The following PPP1R12B variants were observed in gnomAD, a reference collection of about 807,000 sequenced individuals.
PPP1R12B encodes protein phosphatase 1 regulatory subunit 12B, also known as myosin phosphatase target subunit 2.
A neutral mutation model predicts 126.1 loss-of-function variants in PPP1R12B; 76 were observed. The observed-to-expected ratio is 0.60, with a 90% CI of 0.50 to 0.73. The LOEUF (loss-of-function observed/expected upper bound fraction) is 0.73, where lower values mean the gene tolerates loss of function less well. Ranked by LOEUF, PPP1R12B falls within the 30% of genes least tolerant of loss-of-function variation. The pLI, the probability that PPP1R12B is intolerant of heterozygous loss-of-function variation, is 0.00. For synonymous variants in PPP1R12B, 356 were observed against 434.7 expected (o/e 0.82, Z 2.25); for missense variants, 1,052 against 1,205.1 (o/e 0.87, Z 1.88).
chr1:202,430,996 A>C (rs1238741322), intron 7 of PPP1R12B, among the ~76,000 whole-genome samples, 186 bp downstream of exon 7: 1 of 152,216 alleles, frequency 6.6e-6, no homozygotes, highest in Non-Finnish European at 1.5e-5. Context: ...GGGAGACACT[A>C]AGGATGGTTG....
chr1:202,421,288 A>G lies in PPP1R12B; in HGVS notation c.423-1332A>G, dbSNP rs1467001201. Among the ~76,000 whole-genome samples the G allele has an allele frequency of 6.7e-5, 10 of 149,522 alleles. No individual in the cohort carries two copies. In the East Asian group the frequency reaches 2.0e-3, roughly 29 times the overall value. On this transcript the variant is annotated intron_variant, in intron 2 of 23. Coordinates refer to ENST00000608999, the MANE Select transcript of PPP1R12B (RefSeq NM_002481.4). ...TTTGAATGCAGTGGCCAGTGGCCATATATTATCTCTCTCTTTTTTTTTTTT... is the reference window on the plus strand; with the variant it reads ...TTTGAATGCAGTGGCCAGTGGCCATGTATTATCTCTCTCTTTTTTTTTTTT...
In PPP1R12B at chr1:202,412,368, G is replaced by A. The variant is rs188982439; in HGVS notation, c.292-4419G>A. On this transcript the variant is annotated intron_variant, in intron 1 of 23. Transcript: ENST00000608999. ...AGAAGAGAACTGAAGTAGTGATGAG[G>A]TGAAGGAGATTAAGAAAAGGAGAGG... 7.5e-4 allele frequency among the ~76,000 whole-genome samples: 114 copies of A among 152,302 alleles called. 1 individual carries two copies. The highest frequency in any genetic ancestry group is 2.3e-3 in the Admixed American group (35 of 15,294).
At chr1:202,531,466 C>T (rs542315597) in intron 18 of PPP1R12B, among the ~76,000 whole-genome samples, 26 of 152,244 alleles carry the variant, frequency 1.7e-4, no homozygotes, top group Middle Eastern at 3.4e-3. Flanking sequence ...TCATGTCTTA[C>T]AGTACTTTGT....
chr1:202,432,764 G>A (rs550157009), intron 8 of PPP1R12B, among the ~76,000 whole-genome samples: 96 of 152,332 alleles, frequency 6.3e-4, no homozygotes, highest in African/African-American at 2.1e-3. Context: ...AGTCCATGAT[G>A]AGATGAAATG....
At position 202,434,569 on chromosome 1, in the gene PPP1R12B, A is replaced by C. The variant is rs984615173; in HGVS notation, c.1142-87A>C. 6.7e-6 allele frequency: 10 copies of C among 1,498,330 alleles called. No homozygotes were observed. In the Admixed American group the frequency reaches 2.5e-4, roughly 37 times the overall value. The allele number at this position is 1,498,330 out of a possible 1,614,324, so 92.8% of individuals were successfully genotyped here. ...TAATAATCTGTTTTGATAATGGGCAAATCTTTTCTATTAGCAGAAAAGGAC... is the reference window on the plus strand; with the variant it reads ...TAATAATCTGTTTTGATAATGGGCACATCTTTTCTATTAGCAGAAAAGGAC... On this transcript the variant is annotated intron_variant, in intron 8 of 23. Coordinates refer to ENST00000608999, the MANE Select transcript of PPP1R12B (RefSeq NM_002481.4).
chr1:202,575,118 G>A lies in PPP1R12B; in HGVS notation c.2863-5356G>A, dbSNP rs201089045. Reference sequence around the variant, plus strand: ...GACTCTCGGAGTCCATCGAGTCCTCGGACACCCAGGAGCTCTAGTTCTTGC... The same window carrying A: ...GACTCTCGGAGTCCATCGAGTCCTCAGACACCCAGGAGCTCTAGTTCTTGC... On this transcript the variant is annotated intron_variant, in intron 23 of 23. Coordinates refer to ENST00000608999, the MANE Select transcript of PPP1R12B (RefSeq NM_002481.4). 1.8e-5 allele frequency: 29 copies of A among 1,613,654 alleles called. No homozygotes were observed. The East Asian group carries it at 3.1e-4, about 17-fold the overall frequency.
At chr1:202,438,244 C>T (rs929996109) in intron 10 of PPP1R12B, 11 of 1,580,040 alleles carry the variant, frequency 7.0e-6, no homozygotes, top group Non-Finnish European at 9.4e-6. Flanking sequence ...TTAAAAATAG[C>T]TTTTCCTTTT....
Position 202,348,794 on chromosome 1 carries a change from G to A in PPP1R12B, c.-58G>A. The A allele has an allele frequency of 6.5e-7, 1 of 1,535,542 alleles. No homozygotes were observed. The highest frequency in any genetic ancestry group is 8.7e-7 in the Non-Finnish European group (1 of 1,146,014). On this transcript the variant is annotated 5_prime_UTR_variant, in exon 1 of 24. Coordinates refer to ENST00000608999, the MANE Select transcript of PPP1R12B (RefSeq NM_002481.4). ...CTGAGAGAGGCGGCAGCGGCAACTC[G>A]AGCCCCAACAGTAATTTAGTGTTGG...
At chr1:202,580,357 T>C (rs1689475240) in intron 23 of PPP1R12B, 117 bp from the exon 24 acceptor site, 1 of 708,206 alleles carries the variant, frequency 1.4e-6, no homozygotes, top group Admixed American at 2.3e-5. Flanking sequence ...ACCATGAGAG[T>C]TTATTCCACA....
chr1:202,353,629 T>TGTGTGTGTGTGTGTGTGTGTGTGA (rs540599307), intron 1 of PPP1R12B, among the ~76,000 whole-genome samples: 6 of 138,160 alleles, frequency 4.3e-5, no homozygotes, highest in Non-Finnish European at 6.2e-5. Context: ...TGTGTGTGTG[T>TGTGTGTGTGTGTGTGTGTGTGTGA]GACAGGGTCT....
chr1:202,399,300 A>G (rs1665456466), intron 1 of PPP1R12B, among the ~76,000 whole-genome samples: 1 of 152,084 alleles, frequency 6.6e-6, no homozygotes. Context: ...GGCTTACTGC[A>G]GCCTCATTTT....
intron 1 of PPP1R12B, among the ~76,000 whole-genome samples, chr1:202,388,733 G>A (rs957246708): frequency 2.6e-5 from 4 of 151,918 alleles, no homozygotes; most frequent in Non-Finnish European, 5.9e-5. Context: ...TGCTATTATT[G>A]TTTTTATTAT....
intron 1 of PPP1R12B, among the ~76,000 whole-genome samples, chr1:202,366,408 A>G (rs1221712410): frequency 6.6e-6 from 1 of 150,682 alleles, no homozygotes; most frequent in African/African-American, 2.4e-5. Context: ...AATCCCAGCT[A>G]CTCGGGAGGC....
At chr1:202,563,851 T>C (rs1228792397) in intron 20 of PPP1R12B, among the ~76,000 whole-genome samples, 1 of 152,076 alleles carries the variant, frequency 6.6e-6, no homozygotes. Context: ...GATGATCACT[T>C]GAGCCCAGGA....
At chr1:202,452,174 G>A (rs1673064028) in intron 13 of PPP1R12B, among the ~76,000 whole-genome samples, 2 of 152,070 alleles carry the variant, frequency 1.3e-5, no homozygotes, top group Non-Finnish European at 2.9e-5. Context: ...CTGCAATCTC[G>A]GCACTTTGGG....
intron 18 of PPP1R12B, among the ~76,000 whole-genome samples, chr1:202,503,701 T>C (rs1680486821): frequency 6.6e-6 from 1 of 152,024 alleles, no homozygotes; most frequent in South Asian, 2.1e-4. Flanking sequence ...AGAATATGGA[T>C]GCAGTTTCCC....
chr1:202,388,052 C>G (rs1442669505), intron 1 of PPP1R12B, among the ~76,000 whole-genome samples: 3 of 146,434 alleles, frequency 2.0e-5, no homozygotes, highest in Admixed American at 6.9e-5. Context: ...TTCAAACCAT[C>G]ATTTGGAATA....
At chr1:202,422,214 T>G (rs149813703) in intron 2 of PPP1R12B, among the ~76,000 whole-genome samples, 2,034 of 152,348 alleles carry the variant, frequency 0.013, 15 homozygotes, top group Non-Finnish European at 0.021. Flanking sequence ...AGGCATAATT[T>G]AGGCAGATTT....
In PPP1R12B at chr1:202,447,668, A is replaced by G. The variant is rs1016544307; in HGVS notation, c.1668-1321A>G. ...TCAAAATAATAGTAAAAGTCCTATT[A>G]TGTAATTTAATAAAATAAAATCCTT... On this transcript the variant is annotated intron_variant, in intron 12 of 23. Transcript: ENST00000608999. Among the ~76,000 whole-genome samples the G allele has an allele frequency of 2.6e-5, 4 of 152,236 alleles. No homozygotes were observed. In the East Asian group the frequency reaches 5.8e-4, roughly 22 times the overall value.
Sources: allele counts gnomAD v4.1 joint callset (sites outside exome capture counted in the v4.1 genomes callset), GRCh38; gene constraint gnomAD v4.1.1; transcripts MANE v1.5; gene names NCBI Gene and HGNC (gene_info 2026-07-23, HGNC 2026-07-21).